Variants in CSMD3 observed in about 807,000 individuals in gnomAD.
The protein encoded by CSMD3 is CUB and sushi domain-containing protein 3.
Under a neutral mutation model 435.2 loss-of-function variants are expected in CSMD3, and 177 were observed. The observed-to-expected ratio is 0.41, with a 90% confidence interval of 0.36 to 0.46. The LOEUF is 0.46. Among genes scored for constraint, CSMD3 ranks in the 20% least tolerant of loss-of-function variants. The pLI is 0.34. For missense variants in CSMD3, 4,265 were observed against 4,504.6 expected (o/e 0.95, Z 1.52); for synonymous variants, 1,656 against 1,520.5 (o/e 1.09, Z -2.07).
intron 13 of CSMD3, among the ~76,000 whole-genome samples, chr8:112,781,813 T>G (rs1273809468): frequency 1.3e-5 from 2 of 152,162 alleles, no homozygotes. Flanking sequence ...TCCTGAATCT[T>G]ACCTAAGACC....
chr8:113,111,596 C>T (rs937216879), intron 4 of CSMD3, among the ~76,000 whole-genome samples: 111 of 152,198 alleles, frequency 7.3e-4, no homozygotes, highest in African/African-American at 2.4e-3. Flanking sequence ...TCGCATGTGT[C>T]GATTTGAGCG....
chr8:112,742,043 T>C (rs1750253459), intron 13 of CSMD3, among the ~76,000 whole-genome samples: 3 of 151,864 alleles, frequency 2.0e-5, no homozygotes, highest in Non-Finnish European at 1.5e-5. Flanking sequence ...TCTTCCAGCT[T>C]ATGTACATTT....
chr8:112,785,207 A>G (rs1464760181), intron 13 of CSMD3, among the ~76,000 whole-genome samples: 1 of 152,082 alleles, frequency 6.6e-6, no homozygotes, highest in African/African-American at 2.4e-5. Flanking sequence ...GATAAAATTC[A>G]ACATCCTTTC....
At position 112,879,920 on chromosome 8, in the gene CSMD3, G is replaced by T. The variant is rs188305227; in HGVS notation, c.1634-20654C>A. On this transcript the variant is annotated intron_variant, in intron 10 of 70. Transcript: ENST00000297405. ...GAACATCACACACCTGGGCCTGTTGGGGGGTGGAGGGTTAGGGGAGGCATA... is the reference window on the plus strand; with the variant it reads ...GAACATCACACACCTGGGCCTGTTGTGGGGTGGAGGGTTAGGGGAGGCATA... Among the ~76,000 whole-genome samples the T allele has an allele frequency of 3.3e-4, 50 of 152,048 alleles. 1 individual carries two copies. Among genetic ancestry groups the T allele is most frequent in the South Asian group, 3.1e-3 (15 of 4,820 alleles).
intron 63 of CSMD3, among the ~76,000 whole-genome samples, chr8:112,252,223 C>T (rs1048222353): frequency 5.3e-5 from 8 of 151,932 alleles, no homozygotes; most frequent in African/African-American, 9.6e-5. Flanking sequence ...AACATAAATA[C>T]GAAAGTTGGG....
At chr8:112,843,354 A>T (rs982337542) in intron 11 of CSMD3, among the ~76,000 whole-genome samples, 1 of 151,900 alleles carries the variant, frequency 6.6e-6, no homozygotes, top group Non-Finnish European at 1.5e-5. Context: ...TTTCCATGTG[A>T]GGACACAGTG....
At chr8:112,912,199 T>A (rs1031320434) in intron 10 of CSMD3, among the ~76,000 whole-genome samples, 1 of 151,506 alleles carries the variant, frequency 6.6e-6, no homozygotes, top group Non-Finnish European at 1.5e-5. Context: ...TTGGCTACTG[T>A]GAATAATTCA....
At chr8:113,214,157 A>G (rs1419194106) in intron 3 of CSMD3, among the ~76,000 whole-genome samples, 1 of 151,966 alleles carries the variant, frequency 6.6e-6, no homozygotes, top group East Asian at 1.9e-4. Flanking sequence ...ACTTCCTACT[A>G]TTCTTGGGGG....
intron 5 of CSMD3, among the ~76,000 whole-genome samples, chr8:113,042,862 G>T (rs1490860209): frequency 1.3e-5 from 2 of 152,128 alleles, no homozygotes; most frequent in Non-Finnish European, 1.5e-5. Context: ...GCCTCTAACT[G>T]CATGGAAGGA....
chr8:112,621,348 AT>A (rs1213856175), intron 22 of CSMD3, among the ~76,000 whole-genome samples: 1 of 152,204 alleles, frequency 6.6e-6, no homozygotes, highest in Non-Finnish European at 1.5e-5. Context: ...CTTGCTGCAT[AT>A]TTGACAACTT....
chr8:112,259,386 A>C (rs1329986775), intron 61 of CSMD3, among the ~76,000 whole-genome samples: 4 of 152,160 alleles, frequency 2.6e-5, no homozygotes, highest in Non-Finnish European at 4.4e-5. Flanking sequence ...TGGGAGTAGA[A>C]CAATGAGAAC....
At position 112,581,019 on chromosome 8, in the gene CSMD3, T is replaced by C. The variant is rs574870300; in HGVS notation, c.3885+6047A>G. Among the ~76,000 whole-genome samples, 6 of 152,212 alleles carry C rather than the reference T, an allele frequency of 3.9e-5. No homozygotes were observed. The South Asian group carries it at 1.2e-3, about 32-fold the overall frequency. ...TTGCTACATTTCTTGCAAATTTTGA[T>C]CCAGACTCTGAAATGTATTCCTATT... On this transcript the variant is annotated intron_variant, in intron 23 of 70. Coordinates refer to ENST00000297405, the MANE Select transcript of CSMD3 (RefSeq NM_198123.2).
At chr8:112,937,351 TG>T (rs895798376) in intron 9 of CSMD3, among the ~76,000 whole-genome samples, 4 of 116,952 alleles carry the variant, frequency 3.4e-5, no homozygotes, top group Admixed American at 9.7e-5. Flanking sequence ...TAGGTAATAA[TG>T]TTTTTTTTTT....
intron 16 of CSMD3, among the ~76,000 whole-genome samples, chr8:112,667,835 T>G (rs2131715659): frequency 6.6e-6 from 1 of 152,340 alleles, no homozygotes; most frequent in East Asian, 1.9e-4. Flanking sequence ...CATCATTTTC[T>G]TTAAATCTTC....
intron 10 of CSMD3, among the ~76,000 whole-genome samples, chr8:112,863,566 A>C (rs231323): frequency 0.2 from 30,689 of 151,978 alleles, 3,904 homozygotes; most frequent in Non-Finnish European, 0.29. Context: ...CATAGATGAC[A>C]CACATCTCTC....
At chr8:112,226,104 T>G (rs4412394) in intron 70 of CSMD3, among the ~76,000 whole-genome samples, 71 of 151,914 alleles carry the variant, frequency 4.7e-4, no homozygotes, top group Non-Finnish European at 6.6e-4. Flanking sequence ...TATTATTTTA[T>G]TATCACTAAT....
rs1036377045 is a variant in CSMD3, at chr8:112,506,726, G to C, written c.4860C>G (p.Val1620=). 6.2e-7 allele frequency: 1 copy of C among 1,613,634 alleles called. No homozygotes were observed. Among genetic ancestry groups the C allele is most frequent in the Non-Finnish European group, 8.5e-7 (1 of 1,179,614 alleles). Residue 1620 remains valine (V), a synonymous_variant, in exon 29 of 71, where the codon GTC becomes GTG. Coordinates refer to ENST00000297405, the MANE Select transcript of CSMD3 (RefSeq NM_198123.2). The part of the protein sequence containing the change: ...HSRDCDWTIT[V]NADYVISLAF... ...CCAAGGAGATAACATAGTCTGCATTGACGGTGATAGTCCAGTCACAGTCTC... is the reference window on the plus strand; with the variant it reads ...CCAAGGAGATAACATAGTCTGCATTCACGGTGATAGTCCAGTCACAGTCTC...
At chr8:112,369,979 G>T (rs1828176079) in intron 38 of CSMD3, among the ~76,000 whole-genome samples, 1 of 139,440 alleles carries the variant, frequency 7.2e-6, no homozygotes, top group Admixed American at 7.1e-5. Flanking sequence ...AGAAGAAGAA[G>T]AGAAAGAGGA....
At position 113,082,765 on chromosome 8, in the gene CSMD3, C is replaced by A. The variant is rs1000389000; in HGVS notation, c.917+15991G>T. 1.4e-4 allele frequency among the ~76,000 whole-genome samples: 21 copies of A among 151,784 alleles called. 1 individual carries two copies. The highest frequency in any genetic ancestry group is 4.6e-4 in the African/African-American group (19 of 41,286). On this transcript the variant is annotated intron_variant, in intron 5 of 70. Coordinates refer to ENST00000297405, the MANE Select transcript of CSMD3 (RefSeq NM_198123.2). ...TCAACAGAGATATCATGTAAAGGAA[C>A]AAAACAGATATCCTATAGTTGAGAA... is the stretch of plus-strand genomic sequence containing the variant.
Sources: gnomAD v4.1 joint callset for allele counts (sites outside exome capture counted in the v4.1 genomes callset) on GRCh38, gnomAD v4.1.1 for gene constraint, MANE v1.5 for transcripts, NCBI Gene and HGNC (gene_info 2026-07-23, HGNC 2026-07-21) for gene names.